Variants in CACNA2D3 observed in about 807,000 individuals in gnomAD.
The protein encoded by CACNA2D3 is voltage-dependent calcium channel subunit alpha-2/delta-3.
A neutral mutation model predicts 160.6 loss-of-function variants in CACNA2D3; 60 were observed. The observed-to-expected ratio is 0.37, with a 90% CI of 0.30 to 0.46. The LOEUF (loss-of-function observed/expected upper bound fraction) is 0.46, where lower values mean the gene tolerates loss of function less well. Ranked by LOEUF, CACNA2D3 falls within the 20% of genes least tolerant of loss-of-function variation. The probability of loss-of-function intolerance (pLI) is 1.00; values close to 1 mark genes in which losing one functional copy is unlikely to be tolerated. For missense variants in CACNA2D3, 1,205 were observed against 1,365.0 expected (o/e 0.88, Z 1.85); for synonymous variants, 558 against 492.9 (o/e 1.13, Z -1.75).
chr3:54,547,735 A>C (rs895252312), intron 5 of CACNA2D3, among the ~76,000 whole-genome samples: 3 of 133,324 alleles, frequency 2.3e-5, no homozygotes, highest in African/African-American at 8.5e-5. Context: ...CCCAGACTGA[A>C]GTGTAGTGGC....
At chr3:54,322,627 C>G (rs1010374590) in intron 3 of CACNA2D3, among the ~76,000 whole-genome samples, 1 of 152,098 alleles carries the variant, frequency 6.6e-6, no homozygotes, top group African/African-American at 2.4e-5. Flanking sequence ...CAGTGTCTGG[C>G]AAACAGTAAA....
At chr3:54,369,796 T>C (rs933944074) in intron 3 of CACNA2D3, among the ~76,000 whole-genome samples, 1 of 152,202 alleles carries the variant, frequency 6.6e-6, no homozygotes, top group Non-Finnish European at 1.5e-5. Flanking sequence ...GTTCAACCCT[T>C]ATATCCCTAT....
At chr3:54,867,695 C>G (rs1225237360) in intron 17 of CACNA2D3, among the ~76,000 whole-genome samples, 2 of 152,178 alleles carry the variant, frequency 1.3e-5, no homozygotes, top group Non-Finnish European at 2.9e-5. Context: ...TGGCTTCATG[C>G]CCAGGAAGAC....
At chr3:54,913,081 T>C (rs1700592429) in intron 27 of CACNA2D3, among the ~76,000 whole-genome samples, 1 of 151,736 alleles carries the variant, frequency 6.6e-6, no homozygotes, top group South Asian at 2.1e-4. Context: ...CTCTGCTCTG[T>C]TTTGTTTTGT....
At chr3:54,212,792 T>C (rs1701398661) in intron 2 of CACNA2D3, among the ~76,000 whole-genome samples, 1 of 152,148 alleles carries the variant, frequency 6.6e-6, no homozygotes, top group African/African-American at 2.4e-5. Flanking sequence ...GTCTGTCTTG[T>C]ACTCAGAGCT....
chr3:54,880,793 C>T lies in CACNA2D3; in HGVS notation c.1845-3C>T. The stretch of plus-strand genomic sequence containing the variant: ...TCAAGATTTGCTTTGTCTCTCTGCA[C>T]AGTTTAGGTGTGGCGCTTTCCAGAG... On this transcript the variant is annotated splice_region_variant and splice_polypyrimidine_tract_variant and intron_variant, in intron 20 of 37. Coordinates refer to ENST00000474759, the MANE Select transcript of CACNA2D3 (RefSeq NM_018398.3). The T allele has an allele frequency of 6.2e-7, 1 of 1,613,122 alleles. No homozygotes were observed. Among genetic ancestry groups the T allele is most frequent in the Non-Finnish European group, 8.5e-7 (1 of 1,179,122 alleles).
At chr3:54,279,353 G>C (rs1702819075) in intron 2 of CACNA2D3, among the ~76,000 whole-genome samples, 1 of 152,172 alleles carries the variant, frequency 6.6e-6, no homozygotes, top group Admixed American at 6.5e-5. Flanking sequence ...GTGTGGGAGT[G>C]AGGACCAAAC....
chr3:54,700,588 A>T (rs948730301), intron 11 of CACNA2D3, among the ~76,000 whole-genome samples: 11 of 152,230 alleles, frequency 7.2e-5, no homozygotes, highest in Non-Finnish European at 1.3e-4. Flanking sequence ...GACAGTCAAG[A>T]TGCCAAGTTT....
At chr3:54,317,331 C>A (rs1378762849) in intron 2 of CACNA2D3, among the ~76,000 whole-genome samples, 1 of 152,184 alleles carries the variant, frequency 6.6e-6, no homozygotes, top group African/African-American at 2.4e-5. Context: ...CACTCTTTGC[C>A]TTACTGTGTT....
chr3:54,170,804 A>T (rs1029466037), intron 2 of CACNA2D3, among the ~76,000 whole-genome samples: 2 of 152,158 alleles, frequency 1.3e-5, no homozygotes, highest in African/African-American at 4.8e-5. Flanking sequence ...ATTTTCATCA[A>T]ACTTGAACTC....
chr3:54,791,318 AAGAACC>A (rs1321635830), intron 13 of CACNA2D3, among the ~76,000 whole-genome samples: 2 of 152,220 alleles, frequency 1.3e-5, no homozygotes, highest in African/African-American at 4.8e-5. Context: ...CAGAGGGTGT[AAGAACC>A]ACCTTAGACC....
At chr3:54,201,479 A>G (rs1056314219) in intron 2 of CACNA2D3, among the ~76,000 whole-genome samples, 7 of 152,186 alleles carry the variant, frequency 4.6e-5, no homozygotes, top group African/African-American at 1.7e-4. Context: ...GTAGACTCCA[A>G]CCCTTATGGG....
intron 9 of CACNA2D3, among the ~76,000 whole-genome samples, chr3:54,624,466 C>T (rs918802290): frequency 2.6e-5 from 4 of 151,886 alleles, no homozygotes; most frequent in African/African-American, 9.7e-5. Context: ...ATTAAAAATA[C>T]AAAAAATTAG....
chr3:54,323,598 C>G (rs1267765497), intron 3 of CACNA2D3, among the ~76,000 whole-genome samples: 2 of 152,028 alleles, frequency 1.3e-5, no homozygotes, highest in Non-Finnish European at 2.9e-5. Flanking sequence ...TCCCCAGTAG[C>G]TGGGACTACA....
chr3:54,796,396 C>G (rs765232567), intron 13 of CACNA2D3, among the ~76,000 whole-genome samples: 1 of 152,102 alleles, frequency 6.6e-6, no homozygotes, highest in Non-Finnish European at 1.5e-5. Context: ...TGTGTGAGTT[C>G]TCATTGTTAG....
At chr3:54,897,001 T>G (rs1348300970) in intron 26 of CACNA2D3, 131 bp downstream of exon 26, 1 of 1,163,218 alleles carries the variant, frequency 8.6e-7, no homozygotes, top group East Asian at 2.4e-5. Context: ...GTGCTGAATA[T>G]TGGGTCAGCC....
chr3:54,248,374 G>A (rs764924033), intron 2 of CACNA2D3, among the ~76,000 whole-genome samples: 16 of 151,728 alleles, frequency 1.1e-4, no homozygotes, highest in African/African-American at 3.6e-4. Flanking sequence ...CCAGCAACTC[G>A]GGAGGCTGAG....
chr3:54,577,861 C>A (rs960854625), intron 8 of CACNA2D3, among the ~76,000 whole-genome samples: 2 of 152,188 alleles, frequency 1.3e-5, no homozygotes, highest in Admixed American at 6.5e-5. Context: ...TTTAGCTCTA[C>A]TGTTCTACCC....
intron 11 of CACNA2D3, among the ~76,000 whole-genome samples, chr3:54,679,556 A>G (rs1700305274): frequency 2.6e-5 from 4 of 152,098 alleles, no homozygotes; most frequent in Admixed American, 2.6e-4. Flanking sequence ...TCTTTGTGCA[A>G]TGTCATATAC....
Sources: allele counts gnomAD v4.1 joint callset (sites outside exome capture counted in the v4.1 genomes callset), GRCh38; gene constraint gnomAD v4.1.1; transcripts MANE v1.5; gene names NCBI Gene and HGNC (gene_info 2026-07-23, HGNC 2026-07-21).